The following MAGI1 variants were observed in gnomAD, a reference collection of about 807,000 sequenced individuals.
MAGI1 encodes membrane associated guanylate kinase, WW and PDZ domain containing 1.
Under a neutral mutation model 139.9 loss-of-function variants are expected in MAGI1, and 58 were observed. That is an observed-to-expected ratio of 0.41 (90% confidence interval 0.34 to 0.52). The LOEUF (loss-of-function observed/expected upper bound fraction) is 0.52. Ranked by LOEUF, MAGI1 falls within the 20% of genes least tolerant of loss-of-function variation. The pLI is 0.12. For synonymous variants in MAGI1, 812 were observed against 737.9 expected (o/e 1.10, Z -1.63); for missense variants, 1,874 against 1,901.6 (o/e 0.99, Z 0.27).
intron 1 of MAGI1, among the ~76,000 whole-genome samples, chr3:65,737,928 G>T (rs2034919569): frequency 6.6e-6 from 1 of 152,060 alleles, no homozygotes; most frequent in Non-Finnish European, 1.5e-5. Context: ...GCCTCATTAG[G>T]ACTCCTAAAA....
intron 1 of MAGI1, among the ~76,000 whole-genome samples, chr3:66,012,095 A>C (rs1270292441): frequency 6.6e-6 from 1 of 152,076 alleles, no homozygotes; most frequent in Non-Finnish European, 1.5e-5. Flanking sequence ...TGGGCAACAA[A>C]ATGGTATTTC....
intron 1 of MAGI1, among the ~76,000 whole-genome samples, chr3:65,843,729 T>C (rs182083999): frequency 9.8e-5 from 15 of 152,302 alleles, no homozygotes; most frequent in African/African-American, 2.6e-4. Context: ...CTGTTTTGTT[T>C]TGTTTTGACA....
chr3:65,356,345 G>T lies in MAGI1; in HGVS notation c.*33C>A. 1.3e-6 allele frequency: 2 copies of T among 1,519,388 alleles called. No homozygotes were observed. Among genetic ancestry groups the T allele is most frequent in the South Asian group, 2.6e-5 (2 of 77,062 alleles). The allele number at this position is 1,519,388 out of a possible 1,614,324, so 94.1% of individuals were successfully genotyped here. A position where few individuals can be genotyped will look rare whatever the true frequency, so the allele number is the denominator to read the frequency against. On this transcript the variant is annotated 3_prime_UTR_variant, in exon 23 of 23. Coordinates refer to ENST00000402939, the MANE Select transcript of MAGI1 (RefSeq NM_001033057.2). ...TTGTGACTTTCCTCTTAGAACCTTT[G>T]ACACGGTAAAGGTTGGAATGTGACT...
chr3:65,568,357 T>C lies in MAGI1; in HGVS notation c.430+53615A>G, dbSNP rs141852003. Among the ~76,000 whole-genome samples, 111 of 152,294 alleles carry C rather than the reference T, an allele frequency of 7.3e-4. 1 individual carries two copies. The highest frequency in any genetic ancestry group is 2.5e-3 in the African/African-American group (102 of 41,554). On this transcript the variant is annotated intron_variant, in intron 2 of 22. Coordinates refer to ENST00000402939, the MANE Select transcript of MAGI1 (RefSeq NM_001033057.2). ...CACAGGAGCTAGAAAGCCCTTGTTA[T>C]ATCCATGCAGGCAATATAGGTGATT...
At chr3:65,661,489 C>T (rs1010981197) in intron 1 of MAGI1, among the ~76,000 whole-genome samples, 8 of 152,152 alleles carry the variant, frequency 5.3e-5, no homozygotes, top group Non-Finnish European at 1.0e-4. Context: ...TCAAGCCCTG[C>T]TGTATGGTTA....
chr3:66,029,492 C>T (rs989293251), intron 1 of MAGI1, among the ~76,000 whole-genome samples: 1 of 152,172 alleles, frequency 6.6e-6, no homozygotes, highest in East Asian at 1.9e-4. Flanking sequence ...TGGAACTCAT[C>T]TTCATGACAC....
chr3:65,364,596 A>C, intron 20 of MAGI1, 69 bp downstream of exon 20: 1 of 1,390,726 alleles, frequency 7.2e-7, no homozygotes. Flanking sequence ...AAAATATCCC[A>C]TAAAAGTAGC....
At position 65,890,222 on chromosome 3, in the gene MAGI1, G is replaced by A. The variant is rs528470423; in HGVS notation, c.313+147774C>T. ...TACTAAAAATACAAAAAAATTAGCC[G>A]GGCGTGGTGGCGGGCGCCTGCAGTC... On this transcript the variant is annotated intron_variant, in intron 1 of 22. Coordinates refer to ENST00000402939, the MANE Select transcript of MAGI1 (RefSeq NM_001033057.2). Among the ~76,000 whole-genome samples, 23 of 152,158 alleles carry A rather than the reference G, an allele frequency of 1.5e-4. No homozygotes were observed. In the East Asian group the frequency reaches 1.9e-3, roughly 13 times the overall value.
intron 1 of MAGI1, among the ~76,000 whole-genome samples, chr3:65,861,233 G>C (rs150183916): frequency 1.2e-3 from 176 of 152,312 alleles, no homozygotes; most frequent in African/African-American, 3.6e-3. Flanking sequence ...GCTGAAGAAG[G>C]CTGTTGCAAA....
intron 1 of MAGI1, among the ~76,000 whole-genome samples, chr3:65,854,208 G>A (rs985509170): frequency 7.3e-5 from 11 of 150,112 alleles, no homozygotes; most frequent in African/African-American, 2.4e-4. Flanking sequence ...GGCTACTCAG[G>A]AGGCTGAGAT....
chr3:65,935,182 C>T lies in MAGI1; in HGVS notation c.313+102814G>A, dbSNP rs150459928. Among the ~76,000 whole-genome samples the T allele has an allele frequency of 7.2e-5, 11 of 152,108 alleles. No individual in the cohort carries two copies. The East Asian group carries it at 2.1e-3, about 29-fold the overall frequency. On this transcript the variant is annotated intron_variant, in intron 1 of 22. Coordinates refer to ENST00000402939, the MANE Select transcript of MAGI1 (RefSeq NM_001033057.2). The stretch of plus-strand genomic sequence containing the variant: ...ATAGCAGTCAGCTAGAAAAAACAGG[C>T]AAGAAAGAATATTTCAGGTGGAGAG...
At chr3:65,439,265 T>G (rs976196438) in intron 9 of MAGI1, among the ~76,000 whole-genome samples, 5 of 152,182 alleles carry the variant, frequency 3.3e-5, no homozygotes, top group African/African-American at 1.2e-4. Context: ...ACATACATAC[T>G]ATATACGTAT....
intron 3 of MAGI1, among the ~76,000 whole-genome samples, chr3:65,487,826 G>A (rs1004889249): frequency 2.6e-5 from 4 of 152,206 alleles, no homozygotes; most frequent in African/African-American, 9.6e-5. Flanking sequence ...GAAGTCAGCT[G>A]GTGAGGACAG....
At chr3:66,024,258 CCT>C (rs2107564788) in intron 1 of MAGI1, among the ~76,000 whole-genome samples, 1 of 149,376 alleles carries the variant, frequency 6.7e-6, no homozygotes, top group Admixed American at 6.7e-5. Flanking sequence ...TTTGGTTCAC[CCT>C]TTTTTTAAAA....
intron 1 of MAGI1, among the ~76,000 whole-genome samples, chr3:65,761,899 G>A (rs1219830587): frequency 2.0e-5 from 3 of 152,094 alleles, no homozygotes; most frequent in Non-Finnish European, 4.4e-5. Flanking sequence ...AATGAAAAAT[G>A]GTCCTGACAA....
intron 1 of MAGI1, among the ~76,000 whole-genome samples, chr3:65,648,318 C>T (rs534831590): frequency 0.27 from 27,212 of 102,678 alleles, 2,931 homozygotes; most frequent in Non-Finnish European, 0.32. Context: ...TGTGTGTGTG[C>T]GCGTGCGCGT....
chr3:65,623,480 T>C (rs2083798715), intron 1 of MAGI1, among the ~76,000 whole-genome samples: 1 of 152,196 alleles, frequency 6.6e-6, no homozygotes, highest in South Asian at 2.1e-4. Context: ...TCACTCTTAA[T>C]GGAGAAAGAT....
intron 1 of MAGI1, among the ~76,000 whole-genome samples, chr3:65,724,363 C>T (rs2033379465): frequency 6.6e-6 from 1 of 152,218 alleles, no homozygotes; most frequent in African/African-American, 2.4e-5. Flanking sequence ...GCCCTTTCAG[C>T]ATGGGACTAC....
At chr3:65,398,974 C>G (rs1319775151) in intron 13 of MAGI1, among the ~76,000 whole-genome samples, 1 of 151,850 alleles carries the variant, frequency 6.6e-6, no homozygotes, top group Non-Finnish European at 1.5e-5. Context: ...CTAATAAAAA[C>G]TCAACTACTT....
Sources: allele counts gnomAD v4.1 joint callset (sites outside exome capture counted in the v4.1 genomes callset), GRCh38; gene constraint gnomAD v4.1.1; transcripts MANE v1.5; gene names NCBI Gene and HGNC (gene_info 2026-07-23, HGNC 2026-07-21).